The following WDR72 variants were observed in gnomAD, a reference collection of about 807,000 sequenced individuals.
WDR72 encodes the protein WD repeat-containing protein 72.
In WDR72, 120 loss-of-function variants were observed where a neutral mutation model predicts 124.2. The ratio of observed to expected loss-of-function variants is 0.97; its 90% CI spans 0.83 to 1.12. The LOEUF is 1.12. Among genes scored for constraint, WDR72 ranks in the 50% most tolerant of loss-of-function variants. WDR72 has a pLI of 0.00. For missense variants in WDR72, 1,387 were observed against 1,278.8 expected (o/e 1.08, Z -1.29); for synonymous variants, 452 against 441.7 (o/e 1.02, Z -0.29).
chr15:53,527,433 G>A (rs1892186819), intron 18 of WDR72, among the ~76,000 whole-genome samples: 1 of 151,748 alleles, frequency 6.6e-6, no homozygotes, highest in African/African-American at 2.4e-5. Context: ...CTGGAAAAAA[G>A]TCTCCATCCA....
intron 18 of WDR72, among the ~76,000 whole-genome samples, chr15:53,561,107 G>A (rs1894110711): frequency 6.6e-6 from 1 of 151,712 alleles, no homozygotes; most frequent in Admixed American, 6.6e-5. Context: ...AAACTGCATT[G>A]TTCAGAACAC....
Position 53,514,781 on chromosome 15 carries a change from T to A in WDR72, c.*2918A>T, listed in dbSNP as rs1891342182. ...CACATTGCTTTCTAGCACCTCTGGA[T>A]GAGCCCTGTGAGAAAGCTCTCCAAC... On this transcript the variant is annotated 3_prime_UTR_variant, in exon 20 of 20. Transcript: ENST00000360509. 6.6e-6 allele frequency: 1 copy of A among 151,928 alleles called. No homozygotes were observed. Among genetic ancestry groups the A allele is most frequent in the Admixed American group, 6.6e-5 (1 of 15,230 alleles). 9.4% of individuals were successfully genotyped at this position (151,928 alleles called of 1,614,324 possible).
chr15:53,634,150 C>T (rs761446849), intron 14 of WDR72, among the ~76,000 whole-genome samples: 8 of 152,166 alleles, frequency 5.3e-5, no homozygotes, highest in Non-Finnish European at 1.0e-4. Flanking sequence ...CTGAGGTCCT[C>T]CCTCTTACAA....
At chr15:53,586,308 C>T (rs1458436958) in intron 18 of WDR72, among the ~76,000 whole-genome samples, 1 of 152,008 alleles carries the variant, frequency 6.6e-6, no homozygotes, top group Non-Finnish European at 1.5e-5. Context: ...TTTCAATGTA[C>T]TTTAAATACT....
chr15:53,567,504 C>G (rs961901658), intron 18 of WDR72, among the ~76,000 whole-genome samples: 1 of 151,996 alleles, frequency 6.6e-6, no homozygotes, highest in Non-Finnish European at 1.5e-5. Flanking sequence ...TGTGGCTGAC[C>G]AATCTCTGTT....
chr15:53,682,239 A>G (rs938418887), intron 13 of WDR72, among the ~76,000 whole-genome samples: 38 of 152,214 alleles, frequency 2.5e-4, no homozygotes, highest in African/African-American at 8.9e-4. Flanking sequence ...CAAGTTAACA[A>G]TTACATAATT....
rs184144632 is a variant in WDR72, at chr15:53,559,056, C to G, written c.3149-35734G>C. Among the ~76,000 whole-genome samples, 41 of 152,132 alleles carry G rather than the reference C, an allele frequency of 2.7e-4. 1 individual carries two copies. Among genetic ancestry groups the G allele is most frequent in the African/African-American group, 9.4e-4 (39 of 41,538 alleles). ...TCAGTTTATCAATGTATGATTCAAA[C>G]TCAAGCTTTTAGTTCACAGAAATAT... On this transcript the variant is annotated intron_variant, in intron 18 of 19. Coordinates refer to ENST00000360509, the MANE Select transcript of WDR72 (RefSeq NM_182758.4).
chr15:53,720,212 A>G (rs1384167871), intron 3 of WDR72, among the ~76,000 whole-genome samples: 5 of 152,174 alleles, frequency 3.3e-5, no homozygotes, highest in Non-Finnish European at 5.9e-5. Flanking sequence ...GCTACTAAAC[A>G]ATACTTGAAA....
intron 6 of WDR72, among the ~76,000 whole-genome samples, chr15:53,713,411 G>GTATTTTATTT (rs11272007): frequency 0.018 from 1,637 of 88,582 alleles, 49 homozygotes; most frequent in African/African-American, 0.06. Flanking sequence ...TTATTTTGTT[G>GTATTTTATTT]TATTTTATTT....
In WDR72 at chr15:53,714,422, T is replaced by C. The variant is rs748950037; in HGVS notation, c.591+12A>G. The C allele has an allele frequency of 6.2e-7, 1 of 1,612,116 alleles. No homozygotes were observed. The highest frequency in any genetic ancestry group is 1.1e-5 in the South Asian group (1 of 91,024). On this transcript the variant is annotated intron_variant, in intron 6 of 19. Coordinates refer to ENST00000360509, the MANE Select transcript of WDR72 (RefSeq NM_182758.4). ...AATTGTAAGGAAAAAAGAGTAGGGT[T>C]CCCAAGCCAACCTGAATGCTGTTGA...
At chr15:53,718,687 G>A (rs1711021) in intron 3 of WDR72, among the ~76,000 whole-genome samples, 8,104 of 151,434 alleles carry the variant, frequency 0.054, 733 homozygotes, top group African/African-American at 0.18. Context: ...TGAAGCTGTC[G>A]CCTAAGTTTG....
intron 18 of WDR72, among the ~76,000 whole-genome samples, chr15:53,560,066 T>G (rs1053249402): frequency 6.6e-6 from 1 of 151,922 alleles, no homozygotes; most frequent in Non-Finnish European, 1.5e-5. Flanking sequence ...ACAGACAAGT[T>G]ATTGAGCTGT....
chr15:53,518,844 C>T (rs969197381), intron 19 of WDR72, among the ~76,000 whole-genome samples: 4 of 151,930 alleles, frequency 2.6e-5, no homozygotes, highest in Non-Finnish European at 4.4e-5. Context: ...TTTTGGTCAT[C>T]AGACTCATGC....
chr15:53,570,769 G>A (rs1894495604), intron 18 of WDR72, among the ~76,000 whole-genome samples: 1 of 152,030 alleles, frequency 6.6e-6, no homozygotes. Context: ...GTACCAAAAA[G>A]ACACCTGCAC....
intron 1 of WDR72, among the ~76,000 whole-genome samples, chr15:53,744,220 C>T (rs1043933218): frequency 6.6e-6 from 1 of 152,122 alleles, no homozygotes; most frequent in Non-Finnish European, 1.5e-5. Context: ...GTGAGAGGAA[C>T]TGAAACTTTC....
At chr15:53,614,200 C>T (rs766397976) in intron 15 of WDR72, among the ~76,000 whole-genome samples, 16 of 152,178 alleles carry the variant, frequency 1.1e-4, no homozygotes, top group Admixed American at 2.0e-4. Flanking sequence ...TCATAGGAAT[C>T]TTCCGAAACT....
At chr15:53,759,846 C>G (rs897642497), upstream of WDR72, among the ~76,000 whole-genome samples, 1 of 151,860 alleles carries the variant, frequency 6.6e-6, no homozygotes, top group African/African-American at 2.4e-5. Context: ...GCCTCCCTCC[C>G]TCCCTCCCTC....
At chr15:53,607,434 C>G (rs2013335202) in intron 17 of WDR72, among the ~76,000 whole-genome samples, 1 of 152,132 alleles carries the variant, frequency 6.6e-6, no homozygotes, top group African/African-American at 2.4e-5. Flanking sequence ...AAAAGACAGT[C>G]TCTTCAATAA....
chr15:53,659,041 T>C lies in WDR72; in HGVS notation c.1962+6531A>G, dbSNP rs533546985. On this transcript the variant is annotated intron_variant, in intron 14 of 19. Coordinates refer to ENST00000360509, the MANE Select transcript of WDR72 (RefSeq NM_182758.4). ...GCAAGAGCCCTTGTCAAGTGGACCA[T>C]AAGTATCCTAACAATACACTATTCA... 2.6e-5 allele frequency among the ~76,000 whole-genome samples: 4 copies of C among 152,280 alleles called. 1 individual carries two copies. Among genetic ancestry groups the C allele is most frequent in the African/African-American group, 9.6e-5 (4 of 41,576 alleles).
Sources: gnomAD v4.1 joint callset for allele counts (sites outside exome capture counted in the v4.1 genomes callset) on GRCh38, gnomAD v4.1.1 for gene constraint, MANE v1.5 for transcripts, NCBI Gene and HGNC (gene_info 2026-07-23, HGNC 2026-07-21) for gene names.